Variants in ITPK1 observed in about 807,000 individuals in gnomAD.
ITPK1 encodes the protein inositol 1,3,4-trisphosphate 5/6-kinase.
ITPK1 carries 21 observed loss-of-function variants against 45.3 expected under a neutral mutation model. That is an observed-to-expected ratio of 0.46 (90% CI 0.33 to 0.67). The LOEUF (loss-of-function observed/expected upper bound fraction) is 0.67, where lower values mean the gene tolerates loss of function less well. Among genes scored for constraint, ITPK1 ranks in the 30% least tolerant of loss-of-function variants. The pLI, the probability that ITPK1 is intolerant of heterozygous loss-of-function variation, is 0.02. For missense variants in ITPK1, 474 were observed against 573.5 expected (o/e 0.83, Z 1.77); for synonymous variants, 258 against 253.6 (o/e 1.02, Z -0.16).
At chr14:92,962,916 C>A in intron 5 of ITPK1, 67 bp from the exon 6 acceptor site, 1 of 1,090,690 alleles carries the variant, frequency 9.2e-7, no homozygotes, top group African/African-American at 1.6e-5. Context: ...CGTCCTGTGA[C>A]AGCCCGCCCC....
intron 3 of ITPK1, among the ~76,000 whole-genome samples, chr14:93,048,228 C>G (rs1889863533): frequency 6.6e-6 from 1 of 152,234 alleles, no homozygotes; most frequent in East Asian, 1.9e-4. Flanking sequence ...TAGTAACACT[C>G]AAAGCACTGG....
chr14:93,104,461 T>C (rs558331481), intron 2 of ITPK1, among the ~76,000 whole-genome samples: 1,739 of 133,768 alleles, frequency 0.013, 44 homozygotes, highest in African/African-American at 0.054. Context: ...AAACTCCATC[T>C]CAAAAAAAAA....
intron 5 of ITPK1, among the ~76,000 whole-genome samples, chr14:92,993,269 TG>T (rs1166534924): frequency 6.6e-6 from 1 of 152,356 alleles, no homozygotes; most frequent in African/African-American, 2.4e-5. Context: ...ACTGTTAACA[TG>T]AATCTCTCCA....
intron 3 of ITPK1, among the ~76,000 whole-genome samples, chr14:93,046,984 C>G (rs938288647): frequency 6.6e-6 from 1 of 152,210 alleles, no homozygotes; most frequent in Non-Finnish European, 1.5e-5. Context: ...CTCCATTCAC[C>G]TCCAACTAAA....
chr14:93,115,040 C>CCGGGCG, intron 2 of ITPK1, 29 bp downstream of exon 2: 1 of 1,502,548 alleles, frequency 6.7e-7, no homozygotes, highest in South Asian at 1.2e-5. Flanking sequence ...CCGGGGGTCC[C>CCGGGCG]CGGGCGCCGG....
intron 5 of ITPK1, 151 bp downstream of exon 5, chr14:92,993,729 C>G: frequency 1.6e-6 from 1 of 610,336 alleles, no homozygotes; most frequent in Non-Finnish European, 3.0e-6. Flanking sequence ...AAGGACCTCC[C>G]CAGAATGACT....
intron 8 of ITPK1, among the ~76,000 whole-genome samples, chr14:92,957,330 A>C (rs560607333): frequency 1.1e-4 from 16 of 152,240 alleles, no homozygotes; most frequent in Non-Finnish European, 2.2e-4. Context: ...CTGGAAAGCT[A>C]CTTATCCCAA....
rs540239378 is a variant in ITPK1 at position 92,940,783 on chromosome 14, C to T, written c.*778G>A. 835 of 1,288,906 alleles carry T rather than the reference C, an allele frequency of 6.5e-4. 1 individual carries two copies. Among genetic ancestry groups the T allele is most frequent in the Non-Finnish European group, 7.2e-4 (707 of 988,626 alleles). 79.8% of individuals were successfully genotyped at this position (1,288,906 alleles called of 1,614,324 possible). Reference sequence around the variant, plus strand: ...TCACAGCACAAATCCTCAGCACAGGCGCCATCGGCTCGGGCCTCCAGCCAG... The same window carrying T: ...TCACAGCACAAATCCTCAGCACAGGTGCCATCGGCTCGGGCCTCCAGCCAG... On this transcript the variant is annotated 3_prime_UTR_variant, in exon 11 of 11. Coordinates refer to ENST00000267615, the MANE Select transcript of ITPK1 (RefSeq NM_014216.6).
rs546950475 is a variant in ITPK1 at position 93,014,468 on chromosome 14, C to T, written c.246+2208G>A. On this transcript the variant is annotated intron_variant, in intron 4 of 10. Transcript: ENST00000267615. This position sits in a 1 kb window ranked among gnomAD's most constrained non-coding sequence, Gnocchi z 4.4. ...AGATGTGGTCTCTAGGAAGAGCAAC[C>T]GTGTGGGTGTGATGAAGTGGCACTC... is the stretch of plus-strand genomic sequence containing the variant. 2.6e-5 allele frequency among the ~76,000 whole-genome samples: 4 copies of T among 152,260 alleles called. No homozygotes were observed. The highest frequency in any genetic ancestry group is 9.6e-5 in the African/African-American group (4 of 41,556).
In ITPK1 at chr14:93,032,850, C is replaced by T. The variant is rs1193935604; in HGVS notation, c.121-16049G>A. On this transcript the variant is annotated intron_variant, in intron 3 of 10. Coordinates refer to ENST00000267615, the MANE Select transcript of ITPK1 (RefSeq NM_014216.6). This position sits in a 1 kb window ranked among gnomAD's most constrained non-coding sequence, Gnocchi z 4.0. ...AGCTCTGAGCAGCTGCTCAGGGAATCGGGTGACAAAGGCCAGCACGGATCG... is the reference window on the plus strand; with the variant it reads ...AGCTCTGAGCAGCTGCTCAGGGAATTGGGTGACAAAGGCCAGCACGGATCG... Among the ~76,000 whole-genome samples, 2 of 152,192 alleles carry T rather than the reference C, an allele frequency of 1.3e-5. No homozygotes were observed. Among genetic ancestry groups the T allele is most frequent in the East Asian group, 3.9e-4 (2 of 5,194 alleles).
chr14:93,047,909 A>T (rs2139923942), intron 3 of ITPK1, among the ~76,000 whole-genome samples: 1 of 152,324 alleles, frequency 6.6e-6, no homozygotes, highest in Non-Finnish European at 1.5e-5. Flanking sequence ...ACCCAAAATG[A>T]CTTTCACAAG....
intron 3 of ITPK1, among the ~76,000 whole-genome samples, chr14:93,073,743 G>C (rs1891112152): frequency 6.6e-6 from 1 of 152,180 alleles, no homozygotes; most frequent in South Asian, 2.1e-4. Context: ...ACAGGCTTTT[G>C]AGACAGACAG....
chr14:93,028,343 C>G (rs1484826133), intron 3 of ITPK1, among the ~76,000 whole-genome samples: 1 of 152,228 alleles, frequency 6.6e-6, no homozygotes, highest in Non-Finnish European at 1.5e-5. Flanking sequence ...AGCCGGAAAC[C>G]AACCCCCAGA....
In ITPK1 at chr14:92,940,972, CCT is replaced by C. The variant is rs1379493893; in HGVS notation, c.*587_*588del. The C allele has an allele frequency of 9.3e-6, 12 of 1,283,684 alleles. No individual in the cohort carries two copies. The highest frequency in any genetic ancestry group is 5.6e-5 in the East Asian group (1 of 17,994). The allele number at this position is 1,283,684 out of a possible 1,614,324, so 79.5% of individuals were successfully genotyped here. A position where few individuals can be genotyped will look rare whatever the true frequency, so the allele number is the denominator to read the frequency against. On this transcript the variant is annotated 3_prime_UTR_variant, in exon 11 of 11. Coordinates refer to ENST00000267615, the MANE Select transcript of ITPK1 (RefSeq NM_014216.6). ...AGCCCAGACCCCAGCGCGGAACTCC[CCT>C]GAGGGGTCTGTGGCCTCCTCTGGCT...
chr14:93,027,792 C>A (rs1888815798), intron 3 of ITPK1, among the ~76,000 whole-genome samples: 1 of 152,196 alleles, frequency 6.6e-6, no homozygotes, highest in South Asian at 2.1e-4. Flanking sequence ...CACGTGACAA[C>A]CTCAGTCTCA....
Position 92,938,875 on chromosome 14 carries a change from C to A in ITPK1, c.*2686G>T. On this transcript the variant is annotated 3_prime_UTR_variant, in exon 11 of 11. Transcript: ENST00000267615. ...AGAACTTGACCCACGGCCTCAGCCCCAGGGTGCTCAATGCAGACTGTGCAG... is the reference window on the plus strand; with the variant it reads ...AGAACTTGACCCACGGCCTCAGCCCAAGGGTGCTCAATGCAGACTGTGCAG... The A allele has an allele frequency of 2.5e-6, 1 of 403,344 alleles. No individual in the cohort carries two copies. The highest frequency in any genetic ancestry group is 2.8e-5 in the South Asian group (1 of 36,284). The allele number at this position is 403,344 out of a possible 1,614,324, so 25.0% of individuals were successfully genotyped here.
At chr14:93,049,012 C>T (rs541340655) in intron 3 of ITPK1, among the ~76,000 whole-genome samples, 70 of 152,214 alleles carry the variant, frequency 4.6e-4, no homozygotes, top group African/African-American at 1.7e-3. Context: ...ACATGGGCAC[C>T]CCCACTGCAA....
chr14:92,995,658 C>T (rs754526160), intron 4 of ITPK1, among the ~76,000 whole-genome samples: 14 of 152,212 alleles, frequency 9.2e-5, no homozygotes, highest in Non-Finnish European at 1.9e-4. Context: ...TAGCCATCCT[C>T]TCCCTGCACA....
intron 5 of ITPK1, among the ~76,000 whole-genome samples, chr14:92,986,931 T>A (rs1886514262): frequency 6.6e-6 from 1 of 152,168 alleles, no homozygotes; most frequent in Admixed American, 6.5e-5. Flanking sequence ...GGGTCTGTTC[T>A]CATGGGGGTC....
Sources: allele counts gnomAD v4.1 joint callset (sites outside exome capture counted in the v4.1 genomes callset), GRCh38; gene constraint gnomAD v4.1.1; non-coding constraint Gnocchi (gnomAD v3.1); transcripts MANE v1.5; gene names NCBI Gene and HGNC (gene_info 2026-07-23, HGNC 2026-07-21).